SHANK2: variants seen among roughly 807,000 people sequenced by gnomAD.
SHANK2 encodes the protein SH3 and multiple ankyrin repeat domains 2, also known as SH3 and multiple ankyrin repeat domains protein 2.
SHANK2 carries 43 observed loss-of-function variants against 133.7 expected under a neutral mutation model. That is an observed-to-expected ratio of 0.32 (90% CI 0.25 to 0.41). SHANK2 has a LOEUF of 0.41. SHANK2 is among the 10% of genes least tolerant of loss of function. SHANK2 has a pLI of 1.00. For missense variants in SHANK2, 1,994 were observed against 2,235.8 expected (o/e 0.89, Z 2.18); for synonymous variants, 1,017 against 952.8 (o/e 1.07, Z -1.24).
At chr11:70,625,817 A>G (rs1465593994) in intron 17 of SHANK2, among the ~76,000 whole-genome samples, 1 of 149,222 alleles carries the variant, frequency 6.7e-6, no homozygotes, top group Non-Finnish European at 1.5e-5. Flanking sequence ...AATGAAAAAA[A>G]AAAAAAAAAA....
At chr11:70,742,398 C>G (rs1403947948) in intron 14 of SHANK2, among the ~76,000 whole-genome samples, 1 of 152,190 alleles carries the variant, frequency 6.6e-6, no homozygotes, top group Non-Finnish European at 1.5e-5. Context: ...GGCCACTGCA[C>G]AAAGTAGAAG....
At chr11:70,568,054 G>C (rs782226285) in intron 17 of SHANK2, among the ~76,000 whole-genome samples, 1 of 152,230 alleles carries the variant, frequency 6.6e-6, no homozygotes, top group Non-Finnish European at 1.5e-5. Context: ...CTGGAGGCTG[G>C]GTGCAAAACT....
At chr11:71,209,961 C>T (rs1422851117) in intron 2 of SHANK2, among the ~76,000 whole-genome samples, 1 of 151,306 alleles carries the variant, frequency 6.6e-6, no homozygotes, top group Admixed American at 6.6e-5. Flanking sequence ...AATAAACCAC[C>T]GAGGATTCGA....
At chr11:70,476,717 A>G (rs1555150181) in intron 25 of SHANK2, among the ~76,000 whole-genome samples, 1 of 152,174 alleles carries the variant, frequency 6.6e-6, no homozygotes, top group Non-Finnish European at 1.5e-5. Context: ...CTAGAGGAGG[A>G]GGGGTAGCTG....
chr11:70,481,228 A>G (rs1311375703), intron 25 of SHANK2, among the ~76,000 whole-genome samples: 2 of 152,256 alleles, frequency 1.3e-5, no homozygotes, highest in Admixed American at 6.5e-5. Flanking sequence ...AACATTATGT[A>G]CTAAAGAGAA....
In SHANK2 at chr11:70,530,535, C is replaced by A. The variant is rs545957604; in HGVS notation, c.2062-27604G>T. ...TGGGTGACAGAGCAAGACCCTGTCT[C>A]AAAAAAATTTAAAAACACAAAAGGA... is the stretch of plus-strand genomic sequence containing the variant. On this transcript the variant is annotated intron_variant, in intron 17 of 25. Transcript: ENST00000601538. Among the ~76,000 whole-genome samples, 7 of 152,078 alleles carry A rather than the reference C, an allele frequency of 4.6e-5. No homozygotes were observed. In the South Asian group the frequency reaches 1.5e-3, roughly 32 times the overall value.
intron 3 of SHANK2, among the ~76,000 whole-genome samples, chr11:71,133,647 G>C (rs1301941813): frequency 6.6e-6 from 1 of 151,948 alleles, no homozygotes; most frequent in African/African-American, 2.4e-5. Flanking sequence ...TGGTCTAGGG[G>C]GCCTCCCTGG....
Position 70,545,968 on chromosome 11 carries a change from C to T in SHANK2, c.2062-43037G>A, listed in dbSNP as rs187989466. Among the ~76,000 whole-genome samples, 104 of 152,276 alleles carry T rather than the reference C, an allele frequency of 6.8e-4. 1 individual carries two copies. The highest frequency in any genetic ancestry group is 2.3e-3 in the African/African-American group (95 of 41,518). On this transcript the variant is annotated intron_variant, in intron 17 of 25. Transcript: ENST00000601538. The stretch of plus-strand genomic sequence containing the variant: ...GGCAACCAGTTGATTATGGAGGCTG[C>T]ACCTCTGAACAGCCCACAGGGAAGA...
chr11:71,057,679 T>G (rs1950936366), intron 9 of SHANK2, among the ~76,000 whole-genome samples: 1 of 151,886 alleles, frequency 6.6e-6, no homozygotes, highest in South Asian at 2.1e-4. Context: ...GCCTCCTGAG[T>G]AGCTGGGACA....
intron 13 of SHANK2, among the ~76,000 whole-genome samples, chr11:70,799,849 G>A (rs1358158757): frequency 1.3e-5 from 2 of 152,204 alleles, no homozygotes; most frequent in Non-Finnish European, 2.9e-5. Flanking sequence ...AATAAAGCAT[G>A]TTTGTTTTTA....
chr11:70,701,066 G>A (rs1945507224), intron 14 of SHANK2, among the ~76,000 whole-genome samples: 1 of 152,234 alleles, frequency 6.6e-6, no homozygotes, highest in Non-Finnish European at 1.5e-5. Context: ...GGGAACTGCT[G>A]GGTGCTACCA....
chr11:70,638,568 A>C (rs1394434595), intron 17 of SHANK2, among the ~76,000 whole-genome samples: 1 of 152,218 alleles, frequency 6.6e-6, no homozygotes, highest in Non-Finnish European at 1.5e-5. Context: ...CAACAGATGC[A>C]CCGGAAAATC....
chr11:70,673,119 G>C (rs1944845525), intron 15 of SHANK2, among the ~76,000 whole-genome samples: 1 of 152,116 alleles, frequency 6.6e-6, no homozygotes, highest in South Asian at 2.1e-4. Context: ...TGGGATATGG[G>C]GCTGTCAGTT....
chr11:70,891,219 T>C (rs1439894338), intron 11 of SHANK2, among the ~76,000 whole-genome samples: 2 of 151,722 alleles, frequency 1.3e-5, no homozygotes, highest in Non-Finnish European at 2.9e-5. Flanking sequence ...ACGGAGTGGC[T>C]GAAAACCACC....
At chr11:70,927,873 G>C (rs1160660590) in intron 10 of SHANK2, among the ~76,000 whole-genome samples, 1 of 152,118 alleles carries the variant, frequency 6.6e-6, no homozygotes, top group Non-Finnish European at 1.5e-5. Flanking sequence ...GAAGAGGAAG[G>C]GGGCATTAGC....
intron 11 of SHANK2, among the ~76,000 whole-genome samples, chr11:70,857,354 G>A (rs372903512): frequency 2.6e-5 from 4 of 152,202 alleles, no homozygotes; most frequent in Admixed American, 6.5e-5. Context: ...ACGGTGACCC[G>A]CTTTTCAAAC....
chr11:71,252,620 G>C (rs986872515), upstream of SHANK2: 1 of 151,108 alleles, frequency 6.6e-6, no homozygotes, highest in Non-Finnish European at 1.5e-5. This position sits in a 1 kb window ranked among gnomAD's most constrained non-coding sequence, Gnocchi z 6.3. Flanking sequence ...CGGCGAGGGT[G>C]GGGGAGGGGC....
intron 17 of SHANK2, among the ~76,000 whole-genome samples, chr11:70,518,696 C>T (rs2059295585): frequency 1.3e-5 from 2 of 152,238 alleles, no homozygotes; most frequent in South Asian, 4.1e-4. Flanking sequence ...CATACCCACG[C>T]CAGGAGCCCC....
Position 70,866,028 on chromosome 11 carries a change from G to T in SHANK2, c.1174+30473C>A, listed in dbSNP as rs77325795. On this transcript the variant is annotated intron_variant, in intron 11 of 25. Coordinates refer to ENST00000601538, the MANE Select transcript of SHANK2 (RefSeq NM_012309.5). ...TTCTGCAGTTTCTTAGTGGGGGGCT[G>T]CCTGGCTGTTCTCCAGGGTCCATGG... is the stretch of plus-strand genomic sequence containing the variant. 3.6e-3 allele frequency among the ~76,000 whole-genome samples: 549 copies of T among 152,298 alleles called. 5 individuals carry two copies. The highest frequency in any genetic ancestry group is 0.013 in the African/African-American group (527 of 41,564).
Sources: gnomAD v4.1 joint callset for allele counts (sites outside exome capture counted in the v4.1 genomes callset) on GRCh38, gnomAD v4.1.1 for gene constraint, Gnocchi (gnomAD v3.1) non-coding constraint, MANE v1.5 for transcripts, NCBI Gene and HGNC (gene_info 2026-07-23, HGNC 2026-07-21) for gene names.